The following EPB41L3 variants were observed in gnomAD, a reference collection of about 807,000 sequenced individuals.
The protein encoded by EPB41L3 is erythrocyte membrane protein band 4.1 like 3, also known as band 4.1-like protein 3.
EPB41L3 carries 57 observed loss-of-function variants against 127.1 expected under a neutral mutation model. The observed-to-expected ratio is 0.45, with a 90% CI of 0.36 to 0.56. EPB41L3 has a LOEUF of 0.56. EPB41L3 is among the 20% of genes least tolerant of loss of function. The pLI is 0.00. For missense variants in EPB41L3, 1,273 were observed against 1,372.2 expected, an observed-to-expected ratio of 0.93 and a Z score of 1.14; for synonymous variants, 572 against 549.5, an observed-to-expected ratio of 1.04 and a Z score of -0.57.
At chr18:5,512,227 A>G (rs968673814) in intron 1 of EPB41L3, among the ~76,000 whole-genome samples, 2 of 152,226 alleles carry the variant, frequency 1.3e-5, no homozygotes, top group African/African-American at 4.8e-5. Flanking sequence ...CCAAGTAAAC[A>G]GTTCTAAGAC....
chr18:5,542,316 T>A (rs2093753955), intron 1 of EPB41L3, among the ~76,000 whole-genome samples: 1 of 152,122 alleles, frequency 6.6e-6, no homozygotes, highest in African/African-American at 2.4e-5. Flanking sequence ...ATCATTTTTG[T>A]TTCCTTGAGA....
intron 3 of EPB41L3, among the ~76,000 whole-genome samples, chr18:5,460,644 G>A (rs992623804): frequency 7.9e-5 from 12 of 152,188 alleles, no homozygotes; most frequent in African/African-American, 2.9e-4. Flanking sequence ...TCTGATGGCT[G>A]TTCATAGTCC....
intron 3 of EPB41L3, among the ~76,000 whole-genome samples, chr18:5,561,419 C>T (rs914079894): frequency 6.6e-6 from 1 of 151,458 alleles, no homozygotes; most frequent in Non-Finnish European, 1.5e-5. Context: ...TCCTAATGGC[C>T]AAGATTGAAG....
At chr18:5,425,688 TCTCA>T (rs1218145657) in intron 9 of EPB41L3, among the ~76,000 whole-genome samples, 2 of 152,172 alleles carry the variant, frequency 1.3e-5, no homozygotes, top group Non-Finnish European at 2.9e-5. Flanking sequence ...TCCAATTTCT[TCTCA>T]CTCACTTTTC....
At chr18:5,534,834 G>A (rs941894190) in intron 1 of EPB41L3, among the ~76,000 whole-genome samples, 8 of 152,182 alleles carry the variant, frequency 5.3e-5, no homozygotes, top group Admixed American at 1.3e-4. Context: ...AGGCAGCATC[G>A]TCATCTGTTC....
chr18:5,550,144 A>T (rs2149135432), intron 3 of EPB41L3, among the ~76,000 whole-genome samples: 1 of 152,346 alleles, frequency 6.6e-6, no homozygotes, highest in Admixed American at 6.5e-5. Flanking sequence ...TCTCATTAAA[A>T]TGGGAAATTG....
rs200869858 is a variant in EPB41L3 at position 5,397,314 on chromosome 18, C to T, written c.2585G>A (p.Arg862His). The change falls in exon 18 of 23, where the codon CGT becomes CAT. Residue 862 changes from arginine (R) to histidine (H), a missense_variant. By Grantham distance (29) the Arg-to-His change is conservative. Around this residue, in one of 3 missense-constraint regions of EPB41L3, gnomAD observed 765 missense variants for 782.9 expected, o/e 0.98. Coordinates refer to ENST00000341928, the MANE Select transcript of EPB41L3 (RefSeq NM_012307.5). This position sits in a 1 kb window ranked among gnomAD's most constrained non-coding sequence, Gnocchi z 4.1. ...AGCATCCCCACTCGCGTGCACCACACGCCGCTCCTCCACCAACACGGTCTC... is the reference window on the plus strand; with the variant it reads ...AGCATCCCCACTCGCGTGCACCACATGCCGCTCCTCCACCAACACGGTCTC... ...VQETVLVEER[R>H]VVHASGDASY... 2.5e-5 allele frequency: 41 copies of T among 1,614,048 alleles called. No homozygotes were observed. In the Admixed American group the frequency reaches 2.8e-4, roughly 11 times the overall value.
In EPB41L3 at chr18:5,428,050, C is replaced by T. The variant is rs533597099; in HGVS notation, c.1065+263G>A. Among the ~76,000 whole-genome samples the T allele has an allele frequency of 1.1e-4, 17 of 152,280 alleles. No homozygotes were observed. The South Asian group carries it at 2.9e-3, about 26-fold the overall frequency. On this transcript the variant is annotated intron_variant, in intron 9 of 22. Transcript: ENST00000341928. ...GATTATAGGCGTGAGCCACCGCACC[C>T]GGCCGAGACTGGATTTTATATTAAA...
chr18:5,508,594 C>T (rs1251258363), intron 1 of EPB41L3, among the ~76,000 whole-genome samples: 2 of 151,518 alleles, frequency 1.3e-5, no homozygotes, highest in Admixed American at 6.6e-5. Flanking sequence ...GGTGAAACCC[C>T]GTCTCTACTA....
chr18:5,483,116 T>C (rs892149890), intron 2 of EPB41L3, among the ~76,000 whole-genome samples: 2 of 152,086 alleles, frequency 1.3e-5, no homozygotes, highest in Admixed American at 6.6e-5. Flanking sequence ...TATTAAAATA[T>C]GCAAATTGAG....
intron 14 of EPB41L3, among the ~76,000 whole-genome samples, chr18:5,409,733 C>T (rs1258215989): frequency 6.7e-6 from 1 of 148,386 alleles, no homozygotes; most frequent in Non-Finnish European, 1.5e-5. Flanking sequence ...ATATAAACAA[C>T]CTAAAATAAA....
At chr18:5,489,920 A>AG (rs1319783982) in intron 1 of EPB41L3, among the ~76,000 whole-genome samples, 1 of 152,226 alleles carries the variant, frequency 6.6e-6, no homozygotes, top group Non-Finnish European at 1.5e-5. Context: ...CTCAAACAAC[A>AG]GATCTTAATA....
intron 16 of EPB41L3, 158 bp from the exon 17 acceptor site, chr18:5,398,301 T>C (rs2073930537): frequency 1.2e-6 from 1 of 849,224 alleles, no homozygotes; most frequent in Non-Finnish European, 1.8e-6. Context: ...GAATGGGAAA[T>C]AAAATAGAAA....
chr18:5,565,642 C>T, intron 3 of EPB41L3, among the ~76,000 whole-genome samples: 3 of 132,484 alleles, frequency 2.3e-5, no homozygotes, highest in African/African-American at 2.9e-5. Context: ...CAACAGGCCC[C>T]GGTGTGTGAT....
intron 13 of EPB41L3, among the ~76,000 whole-genome samples, chr18:5,411,284 C>T (rs1021645036): frequency 6.6e-6 from 1 of 152,108 alleles, no homozygotes; most frequent in African/African-American, 2.4e-5. Context: ...GTTTATTTTG[C>T]CCCACCCTCC....
intron 2 of EPB41L3, among the ~76,000 whole-genome samples, chr18:5,480,543 T>C (rs2088245989): frequency 6.6e-6 from 1 of 152,212 alleles, no homozygotes; most frequent in South Asian, 2.1e-4. Context: ...GTTCTAATCG[T>C]TACTATGTAC....
At chr18:5,414,658 G>A (rs1442662036) in intron 13 of EPB41L3, among the ~76,000 whole-genome samples, 1 of 152,148 alleles carries the variant, frequency 6.6e-6, no homozygotes, top group Non-Finnish European at 1.5e-5. Context: ...TGTGGGAACA[G>A]GAGGGCTGCA....
Position 5,397,963 on chromosome 18 carries a change from G to T in EPB41L3, c.2472+58C>A. The stretch of plus-strand genomic sequence containing the variant: ...ACCACACACTCACGCCCAAAAAAAG[G>T]GTAAGGAAAGGCACATGGGCACATT... On this transcript the variant is annotated intron_variant, in intron 17 of 22. Transcript: ENST00000341928. The surrounding 1 kb of genome is among the most constrained non-coding windows in gnomAD (Gnocchi z 4.1). 1 of 1,610,128 alleles carries T rather than the reference G, an allele frequency of 6.2e-7. No homozygotes were observed.
intron 1 of EPB41L3, among the ~76,000 whole-genome samples, chr18:5,502,508 T>C (rs145404345): frequency 5.8e-4 from 88 of 152,340 alleles, no homozygotes; most frequent in South Asian, 1.4e-3. Flanking sequence ...GAACACAAAG[T>C]AAATCTGTCT....
Sources: gnomAD v4.1 joint callset for allele counts (sites outside exome capture counted in the v4.1 genomes callset) on GRCh38, gnomAD v4.1.1 for gene constraint, gnomAD v4.1.1 regional missense constraint, Gnocchi (gnomAD v3.1) non-coding constraint, MANE v1.5 for transcripts, NCBI Gene and HGNC (gene_info 2026-07-23, HGNC 2026-07-21) for gene names.